Variants in CAST observed in about 807,000 individuals in gnomAD.
The protein encoded by CAST is calpastatin.
In CAST, 76 loss-of-function variants were observed where a neutral mutation model predicts 119.6. That is an observed-to-expected ratio of 0.64 (90% CI 0.53 to 0.77). CAST has a LOEUF of 0.77. CAST is among the 30% of genes least tolerant of loss of function. The probability of loss-of-function intolerance (pLI) is 0.00; values close to 1 mark genes in which losing one functional copy is unlikely to be tolerated. For missense variants in CAST, 953 were observed against 946.5 expected (o/e 1.01, Z -0.09); for synonymous variants, 319 against 331.6 (o/e 0.96, Z 0.41).
chr5:96,566,296 G>C (rs1361569487), intron 1 of CAST, among the ~76,000 whole-genome samples: 2 of 152,170 alleles, frequency 1.3e-5, no homozygotes, highest in African/African-American at 4.8e-5. Context: ...TCATATATTA[G>C]ACTTGTTGAT....
chr5:96,731,473 GTTTT>G lies in CAST; in HGVS notation c.630+627_630+630del, dbSNP rs201905440. 9.8e-5 allele frequency among the ~76,000 whole-genome samples: 11 copies of G among 112,774 alleles called. 1 individual carries two copies. The highest frequency in any genetic ancestry group is 3.4e-4 in the African/African-American group (10 of 29,408). The allele number at this position is 112,774 out of a possible 152,430, so 74.0% of individuals were successfully genotyped here. ...TTTTTTTTTTACCTTATCCTTTAAG[GTTTT>G]TTTTTTTTTTTTTGCATTTATTTAT... On this transcript the variant is annotated intron_variant, in intron 9 of 31. Transcript: ENST00000675179.
the CAST span, among the ~76,000 whole-genome samples, chr5:96,251,183 T>A: frequency 6.6e-6 from 1 of 152,212 alleles, no homozygotes; most frequent in Admixed American, 6.5e-5. Context: ...ACTGTAAATC[T>A]ACAAATCTGC....
At chr5:96,405,728 A>C in the CAST span, among the ~76,000 whole-genome samples, 1 of 152,236 alleles carries the variant, frequency 6.6e-6, no homozygotes. Flanking sequence ...TCCACTATAC[A>C]GAAAAAGAAG....
the CAST span, among the ~76,000 whole-genome samples, chr5:96,305,922 GT>G: frequency 6.6e-6 from 1 of 152,144 alleles, no homozygotes; most frequent in Non-Finnish European, 1.5e-5. Flanking sequence ...TTCTGTTTTT[GT>G]TGTTTCTCTG....
the CAST span, among the ~76,000 whole-genome samples, chr5:96,173,908 A>AT: frequency 1.3e-5 from 2 of 151,362 alleles, no homozygotes; most frequent in African/African-American, 2.4e-5. Context: ...CGCCCGGCTA[A>AT]TTTTTTTGTA....
At chr5:96,627,190 T>G (rs1306345246) in intron 1 of CAST, among the ~76,000 whole-genome samples, 1 of 152,218 alleles carries the variant, frequency 6.6e-6, no homozygotes, top group East Asian at 1.9e-4. Context: ...TACCACAACA[T>G]AGTTGTGATT....
chr5:96,713,422 T>C (rs1756588751), intron 3 of CAST, among the ~76,000 whole-genome samples: 1 of 151,870 alleles, frequency 6.6e-6, no homozygotes, highest in Non-Finnish European at 1.5e-5. Context: ...TGAGCCACCG[T>C]GCCTGGCCAG....
chr5:96,461,909 C>T, the CAST span, among the ~76,000 whole-genome samples: 3 of 152,094 alleles, frequency 2.0e-5, no homozygotes, highest in Non-Finnish European at 4.4e-5. Context: ...GCATGACCAA[C>T]GCTGACTGTA....
chr5:96,401,065 C>A, the CAST span, among the ~76,000 whole-genome samples: 3 of 103,556 alleles, frequency 2.9e-5, no homozygotes, highest in Non-Finnish European at 5.2e-5. Context: ...CCGGCCTGGG[C>A]TAAAGAGCGG....
the CAST span, among the ~76,000 whole-genome samples, chr5:96,137,881 G>C: frequency 6.6e-6 from 1 of 151,808 alleles, no homozygotes; most frequent in Admixed American, 6.6e-5. Flanking sequence ...TCTATATTTT[G>C]AATTTAAGTC....
intron 2 of CAST, among the ~76,000 whole-genome samples, chr5:96,693,962 G>A (rs1753002875): frequency 6.6e-6 from 1 of 152,074 alleles, no homozygotes; most frequent in South Asian, 2.1e-4. Flanking sequence ...TCCTGCAAAT[G>A]CCTGTGAGGC....
the CAST span, among the ~76,000 whole-genome samples, chr5:96,493,299 T>C: frequency 6.6e-6 from 1 of 152,226 alleles, no homozygotes; most frequent in Admixed American, 6.5e-5. Flanking sequence ...GGTTGAACTT[T>C]TGTTCATTTT....
the CAST span, among the ~76,000 whole-genome samples, chr5:96,312,346 T>C: frequency 3.3e-5 from 5 of 152,120 alleles, no homozygotes; most frequent in African/African-American, 1.2e-4. Context: ...GATTTCACAG[T>C]AGAAAATTAG....
intron 1 of CAST, among the ~76,000 whole-genome samples, chr5:96,606,465 G>C (rs1747257053): frequency 6.6e-6 from 1 of 152,216 alleles, no homozygotes; most frequent in Non-Finnish European, 1.5e-5. Context: ...GAAAGAGCCA[G>C]CATGAGACAC....
At chr5:96,430,236 A>G in the CAST span, among the ~76,000 whole-genome samples, 1 of 152,164 alleles carries the variant, frequency 6.6e-6, no homozygotes, top group Admixed American at 6.5e-5. Flanking sequence ...GACTATATTC[A>G]TTATTCTTTT....
the CAST span, among the ~76,000 whole-genome samples, chr5:96,208,828 C>T: frequency 4.3e-4 from 65 of 151,842 alleles, no homozygotes; most frequent in Admixed American, 4.3e-3. Flanking sequence ...CTGTAGATAT[C>T]TGTTAGGTCT....
chr5:96,750,439 C>T, intron 19 of CAST, 148 bp from the exon 20 acceptor site: 1 of 441,138 alleles, frequency 2.3e-6, no homozygotes, highest in Non-Finnish European at 4.1e-6. Context: ...CATGCTTTGA[C>T]TTATTTACTA....
the CAST span, chr5:96,390,372 TGAGA>T: frequency 6.6e-6 from 1 of 152,202 alleles, no homozygotes. Flanking sequence ...TTTGACTTAG[TGAGA>T]AACAATTTAT....
the CAST span, among the ~76,000 whole-genome samples, chr5:96,466,250 T>C: frequency 3.1e-4 from 47 of 152,246 alleles, no homozygotes; most frequent in African/African-American, 1.1e-3. Context: ...TCCCACCTCC[T>C]TGACTGGGAT....
Sources: allele counts gnomAD v4.1 joint callset (sites outside exome capture counted in the v4.1 genomes callset), GRCh38; gene constraint gnomAD v4.1.1; transcripts MANE v1.5; gene names NCBI Gene and HGNC (gene_info 2026-07-23, HGNC 2026-07-21).